The following VRK2 variants were observed in gnomAD, a reference collection of about 807,000 sequenced individuals.
The protein encoded by VRK2 is serine/threonine-protein kinase VRK2.
In VRK2, 60 loss-of-function variants were observed where a neutral mutation model predicts 57.6. That is an observed-to-expected ratio of 1.04 (90% confidence interval 0.85 to 1.29). The LOEUF is 1.29. Among genes scored for constraint, VRK2 ranks in the 50% most tolerant of loss-of-function variants. The pLI, the probability that VRK2 is intolerant of heterozygous loss-of-function variation, is 0.00. For missense variants in VRK2, 705 were observed against 588.1 expected (o/e 1.20, Z -2.06); for synonymous variants, 231 against 199.2 (o/e 1.16, Z -1.35).
At chr2:58,110,746 A>G (rs904070666) in intron 7 of VRK2, among the ~76,000 whole-genome samples, 4 of 152,174 alleles carry the variant, frequency 2.6e-5, no homozygotes, top group African/African-American at 9.7e-5. Flanking sequence ...TTGATCTGAC[A>G]CTTGTGAAAG....
At chr2:58,142,579 A>T (rs1681507125) in intron 11 of VRK2, among the ~76,000 whole-genome samples, 1 of 151,988 alleles carries the variant, frequency 6.6e-6, no homozygotes, top group Non-Finnish European at 1.5e-5. Flanking sequence ...CCGCCAATCA[A>T]ATTAGAAGAC....
intron 9 of VRK2, among the ~76,000 whole-genome samples, chr2:58,133,552 CT>C (rs1295508902): frequency 1.3e-5 from 2 of 152,156 alleles, no homozygotes; most frequent in African/African-American, 2.4e-5. Context: ...TCCCTTATGC[CT>C]TTTATTTTCC....
Position 58,139,763 on chromosome 2 carries a change from A to C in VRK2, c.954A>C (p.Ile318=). The change falls in exon 11 of 13, where the codon ATA becomes ATC. Residue 318 remains isoleucine, a synonymous_variant. Coordinates refer to ENST00000340157, the MANE Select transcript of VRK2 (RefSeq NM_006296.7). ...ALKKILNPHG[I]PLGPLDFSTK... is the part of the protein sequence containing the mutation. ...AGAAAATTTTGAACCCTCATGGAAT[A>C]CCTTTAGGACCACTGGACTTTTCCA... 3.7e-6 allele frequency: 6 copies of C among 1,613,270 alleles called. No homozygotes were observed. Among genetic ancestry groups the C allele is most frequent in the Non-Finnish European group, 5.1e-6 (6 of 1,179,418 alleles).
chr2:57,990,017 T>A (rs1672713289), intron 1 of VRK2, among the ~76,000 whole-genome samples: 1 of 151,876 alleles, frequency 6.6e-6, no homozygotes. Context: ...CAAAAAGGAG[T>A]CTGCAAAGCC....
intron 12 of VRK2, among the ~76,000 whole-genome samples, chr2:58,153,989 G>A (rs1310934029): frequency 6.6e-6 from 1 of 152,010 alleles, no homozygotes; most frequent in Non-Finnish European, 1.5e-5. Context: ...TTTATCTCTT[G>A]CATTTTTATT....
At chr2:57,968,864 T>C (rs1038853032) in intron 1 of VRK2, among the ~76,000 whole-genome samples, 1 of 152,054 alleles carries the variant, frequency 6.6e-6, no homozygotes, top group Admixed American at 6.6e-5. Flanking sequence ...ATTGACTCCA[T>C]AGTCAAACAA....
chr2:58,096,527 A>G (rs1673156248), intron 7 of VRK2, among the ~76,000 whole-genome samples: 2 of 151,860 alleles, frequency 1.3e-5, no homozygotes, highest in South Asian at 4.1e-4. Flanking sequence ...TCTGCATTGT[A>G]GTTTTTTATG....
chr2:58,087,829 A>G (rs1306470325), intron 5 of VRK2, among the ~76,000 whole-genome samples: 1 of 152,166 alleles, frequency 6.6e-6, no homozygotes, highest in Admixed American at 6.5e-5. Context: ...TCTACTAAAA[A>G]TACAAAAATT....
chr2:58,119,391 C>T (rs901077362), intron 7 of VRK2, among the ~76,000 whole-genome samples: 1 of 147,448 alleles, frequency 6.8e-6, no homozygotes, highest in African/African-American at 2.5e-5. Flanking sequence ...GCAGGAGAAA[C>T]TCTGGAACTT....
chr2:57,978,410 ACTTCTAAGC>A (rs1469849004), intron 1 of VRK2, among the ~76,000 whole-genome samples: 2 of 151,108 alleles, frequency 1.3e-5, no homozygotes, highest in Non-Finnish European at 1.5e-5. Context: ...AGCCATGTCC[ACTTCTAAGC>A]CTTGATAACA....
chr2:58,055,237 C>T (rs930983879), intron 2 of VRK2, among the ~76,000 whole-genome samples: 1 of 152,172 alleles, frequency 6.6e-6, no homozygotes. Flanking sequence ...TGAATGGGCA[C>T]AGTGCCAGGC....
intron 1 of VRK2, among the ~76,000 whole-genome samples, chr2:57,972,634 GT>G (rs1311688815): frequency 3.3e-5 from 5 of 151,708 alleles, no homozygotes; most frequent in African/African-American, 9.7e-5. Context: ...GTTTTTAACT[GT>G]TTGTATTCTT....
At chr2:58,065,273 G>T (rs1182809246) in intron 2 of VRK2, among the ~76,000 whole-genome samples, 1 of 151,908 alleles carries the variant, frequency 6.6e-6, no homozygotes, top group Non-Finnish European at 1.5e-5. Flanking sequence ...ATCCCTTTGT[G>T]ACCATAACCT....
intron 1 of VRK2, among the ~76,000 whole-genome samples, chr2:57,939,958 A>G (rs1449133368): frequency 6.6e-6 from 1 of 152,182 alleles, no homozygotes; most frequent in African/African-American, 2.4e-5. Flanking sequence ...TGACAATGAG[A>G]TATTGAGATT....
chr2:57,970,448 T>A (rs969277422), intron 1 of VRK2, among the ~76,000 whole-genome samples: 2 of 151,474 alleles, frequency 1.3e-5, no homozygotes, highest in East Asian at 3.9e-4. Flanking sequence ...ATTTTTTTTA[T>A]CTTCATGAAA....
At chr2:58,104,315 A>G (rs1674433239) in intron 7 of VRK2, among the ~76,000 whole-genome samples, 1 of 151,822 alleles carries the variant, frequency 6.6e-6, no homozygotes, top group African/African-American at 2.4e-5. Flanking sequence ...AGAAAACCCT[A>G]AAAACTCCTG....
At chr2:58,050,281 C>T (rs1357800319) in intron 2 of VRK2, among the ~76,000 whole-genome samples, 1 of 152,118 alleles carries the variant, frequency 6.6e-6, no homozygotes, top group Admixed American at 6.5e-5. Flanking sequence ...TCTTCAAAAT[C>T]CAAGGTGTAT....
chr2:57,986,683 C>T (rs1225937683), intron 1 of VRK2, among the ~76,000 whole-genome samples: 1 of 149,030 alleles, frequency 6.7e-6, no homozygotes, highest in Non-Finnish European at 1.5e-5. Context: ...ACTGCAACCT[C>T]TGCCTCCCAG....
intron 8 of VRK2, among the ~76,000 whole-genome samples, chr2:58,124,379 AT>A (rs1338503784): frequency 6.6e-6 from 1 of 152,246 alleles, no homozygotes. Context: ...CAAAAAGTCA[AT>A]TCTAATGTTA....
Sources: allele counts gnomAD v4.1 joint callset (sites outside exome capture counted in the v4.1 genomes callset), GRCh38; gene constraint gnomAD v4.1.1; transcripts MANE v1.5; gene names NCBI Gene and HGNC (gene_info 2026-07-23, HGNC 2026-07-21).